Variants in SH3PXD2A observed in about 807,000 individuals in gnomAD.
SH3PXD2A encodes the protein SH3 and PX domain-containing protein 2A.
Under a neutral mutation model 115.2 loss-of-function variants are expected in SH3PXD2A, and 32 were observed. The observed-to-expected ratio is 0.28, with a 90% CI of 0.21 to 0.37. SH3PXD2A has a LOEUF of 0.37. Among genes scored for constraint, SH3PXD2A ranks in the 10% least tolerant of loss-of-function variants. The pLI, the probability that SH3PXD2A is intolerant of heterozygous loss-of-function variation, is 1.00. For synonymous variants in SH3PXD2A, 610 were observed against 629.1 expected (o/e 0.97, Z 0.45); for missense variants, 1,328 against 1,498.7 (o/e 0.89, Z 1.88).
intron 1 of SH3PXD2A, among the ~76,000 whole-genome samples, chr10:103,850,739 C>CCAT (rs1179591826): frequency 2.6e-5 from 4 of 152,186 alleles, no homozygotes; most frequent in Admixed American, 2.6e-4. Flanking sequence ...ACCCACTTCC[C>CCAT]CATCAGACTG....
At chr10:103,640,361 G>C (rs2036936166) in intron 8 of SH3PXD2A, among the ~76,000 whole-genome samples, 1 of 151,822 alleles carries the variant, frequency 6.6e-6, no homozygotes, top group South Asian at 2.1e-4. Flanking sequence ...CTTTCCTGAG[G>C]AGGGTGTGGC....
At chr10:103,647,859 CGAAA>C (rs577831164) in intron 8 of SH3PXD2A, among the ~76,000 whole-genome samples, 139 of 152,214 alleles carry the variant, frequency 9.1e-4, no homozygotes, top group Non-Finnish European at 1.4e-3. Context: ...TGCCCAAGCA[CGAAA>C]GAGTCAATCA....
chr10:103,765,858 ACTC>A (rs1186001534), intron 3 of SH3PXD2A, among the ~76,000 whole-genome samples: 1 of 152,118 alleles, frequency 6.6e-6, no homozygotes, highest in Admixed American at 6.5e-5. Flanking sequence ...CCCCATGTGA[ACTC>A]CTGGGCCAGG....
intron 6 of SH3PXD2A, among the ~76,000 whole-genome samples, chr10:103,691,794 C>CA (rs1491247915): frequency 6.6e-6 from 1 of 152,124 alleles, no homozygotes; most frequent in Non-Finnish European, 1.5e-5. Context: ...AACATACCCT[C>CA]ACAGCACACA....
chr10:103,799,697 A>G lies in SH3PXD2A; in HGVS notation c.153+1585T>C, dbSNP rs559544335. 7.5e-4 allele frequency among the ~76,000 whole-genome samples: 114 copies of G among 152,316 alleles called. 2 individuals are homozygous for G. The highest frequency in any genetic ancestry group is 2.5e-3 in the African/African-American group (102 of 41,566). ...CTTTCAGGCCCCCTCCAGCTCATCAATGAGTCCTTTCAGGGTTCCCTCTCC... is the reference window on the plus strand; with the variant it reads ...CTTTCAGGCCCCCTCCAGCTCATCAGTGAGTCCTTTCAGGGTTCCCTCTCC... On this transcript the variant is annotated intron_variant, in intron 2 of 14. Coordinates refer to ENST00000369774, the MANE Select transcript of SH3PXD2A (RefSeq NM_001394015.1).
In SH3PXD2A at chr10:103,597,237, C is replaced by T. The variant is rs968791607; in HGVS notation, c.*4579G>A. On this transcript the variant is annotated 3_prime_UTR_variant, in exon 15 of 15. Transcript: ENST00000369774. Reference sequence around the variant, plus strand: ...CAGGCTTGTGGGAATTGGTGTCTCACCAGGGTGTGCGCGGCTCAAGGTTCT... The same window carrying T: ...CAGGCTTGTGGGAATTGGTGTCTCATCAGGGTGTGCGCGGCTCAAGGTTCT... 2 of 152,630 alleles carry T rather than the reference C, an allele frequency of 1.3e-5. No individual in the cohort carries two copies. Among genetic ancestry groups the T allele is most frequent in the African/African-American group, 4.8e-5 (2 of 41,424 alleles). 9.5% of individuals were successfully genotyped at this position (152,630 alleles called of 1,614,324 possible). A position where few individuals can be genotyped will look rare whatever the true frequency, so the allele number is the denominator to read the frequency against.
chr10:103,687,529 AGTCT>A (rs1251902441), intron 6 of SH3PXD2A, among the ~76,000 whole-genome samples: 2 of 152,094 alleles, frequency 1.3e-5, no homozygotes, highest in African/African-American at 4.8e-5. Flanking sequence ...CAATCATCAG[AGTCT>A]GTCCAACACC....
chr10:103,792,783 A>C (rs1483981975), intron 2 of SH3PXD2A, among the ~76,000 whole-genome samples: 4 of 152,192 alleles, frequency 2.6e-5, no homozygotes, highest in African/African-American at 9.7e-5. Context: ...TTCCTGCCTC[A>C]ATATGTAGTT....
rs58737094 is a variant in SH3PXD2A, at chr10:103,804,314, C to CTTT, written c.73-2955_73-2953dup. On this transcript the variant is annotated intron_variant, in intron 1 of 14. Coordinates refer to ENST00000369774, the MANE Select transcript of SH3PXD2A (RefSeq NM_001394015.1). ...AAATTTTATTTTTGGTTGACATCAT[C>CTTT]TTTTTTTTTTTTTTTTTTTTTTTTT... is the stretch of plus-strand genomic sequence containing the variant. Among the ~76,000 whole-genome samples the CTTT allele has an allele frequency of 7.4e-3, 443 of 59,674 alleles. 1 individual carries two copies. Among genetic ancestry groups the CTTT allele is most frequent in the Middle Eastern group, 0.013 (1 of 78 alleles). The allele number at this position is 59,674 out of a possible 152,430, so 39.1% of individuals were successfully genotyped here.
At chr10:103,837,754 C>G (rs1224724669) in intron 1 of SH3PXD2A, among the ~76,000 whole-genome samples, 5 of 152,190 alleles carry the variant, frequency 3.3e-5, no homozygotes, top group Admixed American at 3.3e-4. Context: ...CCCAGCAGCA[C>G]CCCTCAGAGA....
intron 6 of SH3PXD2A, among the ~76,000 whole-genome samples, chr10:103,679,412 G>A (rs1038040265): frequency 6.6e-6 from 1 of 152,210 alleles, no homozygotes; most frequent in Non-Finnish European, 1.5e-5. Context: ...TAGTACCAGT[G>A]TCCATTCAGA....
chr10:103,645,703 A>G (rs1394591883), intron 8 of SH3PXD2A, among the ~76,000 whole-genome samples: 2 of 152,150 alleles, frequency 1.3e-5, no homozygotes, highest in African/African-American at 2.4e-5. Flanking sequence ...AGGCAGCCCC[A>G]CAGGTTGTTT....
intron 9 of SH3PXD2A, among the ~76,000 whole-genome samples, chr10:103,625,035 C>G (rs1372145323): frequency 3.9e-5 from 6 of 152,134 alleles, no homozygotes; most frequent in African/African-American, 1.2e-4. Flanking sequence ...CCCACACCCA[C>G]CCCCCACACA....
intron 4 of SH3PXD2A, among the ~76,000 whole-genome samples, chr10:103,731,108 G>A (rs978886829): frequency 2.0e-5 from 3 of 151,902 alleles, no homozygotes; most frequent in Non-Finnish European, 4.4e-5. Context: ...GCCCAGCTGA[G>A]GTGCTCAGAT....
intron 8 of SH3PXD2A, among the ~76,000 whole-genome samples, chr10:103,660,197 G>C (rs2037270914): frequency 6.6e-6 from 1 of 152,158 alleles, no homozygotes; most frequent in African/African-American, 2.4e-5. Flanking sequence ...TGGGCTGATG[G>C]ATGTCCTGGG....
At chr10:103,789,530 TACACACACACAC>T (rs72505791) in intron 2 of SH3PXD2A, among the ~76,000 whole-genome samples, 2 of 145,132 alleles carry the variant, frequency 1.4e-5, no homozygotes, top group African/African-American at 2.6e-5. Flanking sequence ...TGTGTATACG[TACACACACACAC>T]ACACACACAC....
intron 6 of SH3PXD2A, among the ~76,000 whole-genome samples, chr10:103,691,261 T>A (rs561121270): frequency 6.6e-6 from 1 of 152,192 alleles, no homozygotes; most frequent in Non-Finnish European, 1.5e-5. Flanking sequence ...TGTACAGTAG[T>A]TATTCGGTGC....
intron 1 of SH3PXD2A, among the ~76,000 whole-genome samples, chr10:103,802,709 G>A (rs997571881): frequency 1.6e-4 from 24 of 152,232 alleles, no homozygotes; most frequent in Admixed American, 1.2e-3. Flanking sequence ...ATAAGACACA[G>A]GTAAGACCTC....
chr10:103,699,222 T>C (rs2037862465), intron 5 of SH3PXD2A, among the ~76,000 whole-genome samples: 1 of 152,170 alleles, frequency 6.6e-6, no homozygotes. Flanking sequence ...ACAAGCCACT[T>C]CAAACTAGTG....
Sources: gnomAD v4.1 joint callset for allele counts (sites outside exome capture counted in the v4.1 genomes callset) on GRCh38, gnomAD v4.1.1 for gene constraint, MANE v1.5 for transcripts, NCBI Gene and HGNC (gene_info 2026-07-23, HGNC 2026-07-21) for gene names.